KCNK3: variants seen among roughly 807,000 people sequenced by gnomAD.
KCNK3 encodes potassium channel subfamily K member 3.
Under a neutral mutation model 27.3 loss-of-function variants are expected in KCNK3, and 9 were observed. That is an observed-to-expected ratio of 0.33 (90% CI 0.20 to 0.57). KCNK3 has a LOEUF of 0.57. Ranked by LOEUF, KCNK3 falls within the 20% of genes least tolerant of loss-of-function variation. The pLI is 0.87. For missense variants in KCNK3, 391 were observed against 577.7 expected (o/e 0.68, Z 3.31); for synonymous variants, 278 against 273.8 (o/e 1.02, Z -0.15).
chr2:26,720,284 C>T (rs922566084), intron 1 of KCNK3, among the ~76,000 whole-genome samples: 13 of 152,256 alleles, frequency 8.5e-5, no homozygotes, highest in South Asian at 2.1e-4. Flanking sequence ...AAACAAAAAA[C>T]GAGTGGGTTG....
intron 1 of KCNK3, among the ~76,000 whole-genome samples, chr2:26,696,887 T>G (rs529933646): frequency 6.6e-6 from 1 of 152,272 alleles, no homozygotes; most frequent in East Asian, 1.9e-4. Context: ...CTCCTTCTAC[T>G]TGTTCAGGAT....
intron 1 of KCNK3, among the ~76,000 whole-genome samples, chr2:26,699,133 G>A (rs890124821): frequency 2.0e-5 from 3 of 148,800 alleles, no homozygotes; most frequent in Non-Finnish European, 3.0e-5. Flanking sequence ...AGCCAAGATC[G>A]CGCCACTGCA....
At chr2:26,711,961 G>T (rs1237967638) in intron 1 of KCNK3, among the ~76,000 whole-genome samples, 4 of 152,222 alleles carry the variant, frequency 2.6e-5, no homozygotes, top group African/African-American at 9.6e-5. Context: ...GCCCAGCTTG[G>T]AGCTCTTGGC....
chr2:26,728,532 C>T lies in KCNK3; in HGVS notation c.1149C>T (p.Thr383=), dbSNP rs1663475487. Reference sequence around the variant, plus strand: ...CCACGGGTCTGCACAGCCTGTCCACCTTCCGCGGCCTCATGAAGCGCAGGA... The same window carrying T: ...CCACGGGTCTGCACAGCCTGTCCACTTTCCGCGGCCTCATGAAGCGCAGGA... ...SVSTGLHSLS[T]FRGLMKRRSS... is the part of the protein sequence containing the mutation. The change falls in exon 2 of 2, where the codon ACC becomes ACT. Residue 383 remains threonine (T), a synonymous_variant. Transcript: ENST00000302909. The T allele has an allele frequency of 1.4e-6, 2 of 1,470,818 alleles. No homozygotes were observed. The highest frequency in any genetic ancestry group is 9.0e-7 in the Non-Finnish European group (1 of 1,110,192). 91.1% of individuals were successfully genotyped at this position (1,470,818 alleles called of 1,614,324 possible). A position where few individuals can be genotyped will look rare whatever the true frequency, so the allele number is the denominator to read the frequency against.
chr2:26,710,856 G>A (rs1334537955), intron 1 of KCNK3, among the ~76,000 whole-genome samples: 2 of 152,192 alleles, frequency 1.3e-5, no homozygotes, highest in Non-Finnish European at 1.5e-5. Context: ...AGCCTGACAG[G>A]GGGCTGCAGT....
In KCNK3 at chr2:26,692,971, G is replaced by T; in HGVS notation, c.96G>T (p.Glu32Asp). The change falls in exon 1 of 2, where the codon GAG (glutamate) becomes GAT (aspartate). Residue 32 changes from glutamate (E) to aspartate (D), a missense_variant. Transcript: ENST00000302909. The surrounding 1 kb of genome is among the most constrained non-coding windows in gnomAD (Gnocchi z 5.6). Reference protein sequence around the residue: ...GAAVFDALESEPELIERQRLE... With the variant: ...GAAVFDALESDPELIERQRLE... ...CGGTCTTCGACGCGCTGGAGTCGGA[G>T]CCCGAGCTGATCGAGCGGCAGCGGC... The T allele has an allele frequency of 6.4e-7, 1 of 1,569,344 alleles. No individual in the cohort carries two copies.
At chr2:26,708,994 T>C (rs1256447908) in intron 1 of KCNK3, among the ~76,000 whole-genome samples, 1 of 152,110 alleles carries the variant, frequency 6.6e-6, no homozygotes, top group Non-Finnish European at 1.5e-5. Context: ...CACTGGCTGA[T>C]GGGTACGATA....
At chr2:26,717,403 C>G (rs542467753) in intron 1 of KCNK3, among the ~76,000 whole-genome samples, 5 of 152,310 alleles carry the variant, frequency 3.3e-5, no homozygotes, top group Admixed American at 2.6e-4. Flanking sequence ...ACAGGAAAGG[C>G]CTGGGAGTGT....
Position 26,733,035 on chromosome 2 carries a change from T to C in KCNK3, c.*4467T>C, listed in dbSNP as rs1205947657. On this transcript the variant is annotated 3_prime_UTR_variant, in exon 2 of 2. Transcript: ENST00000302909. ...CTCAGAATTGCCTGAGGTTCTAGCG[T>C]GGGCTCCTTCTCTCCAGATGATGCC... 6.6e-6 allele frequency: 1 copy of C among 152,320 alleles called. No individual in the cohort carries two copies. The highest frequency in any genetic ancestry group is 1.5e-5 in the Non-Finnish European group (1 of 68,122). The allele number at this position is 152,320 out of a possible 1,614,324, so 9.4% of individuals were successfully genotyped here. A position where few individuals can be genotyped will look rare whatever the true frequency, so the allele number is the denominator to read the frequency against.
At chr2:26,704,857 G>GTCA (rs1465322630) in intron 1 of KCNK3, among the ~76,000 whole-genome samples, 1 of 152,278 alleles carries the variant, frequency 6.6e-6, no homozygotes, top group Non-Finnish European at 1.5e-5. Flanking sequence ...TGTTACCACA[G>GTCA]TCATGAACTA....
rs926083908 is a variant in KCNK3, at chr2:26,725,323, C to T, written c.284-2344C>T. On this transcript the variant is annotated intron_variant, in intron 1 of 1. Transcript: ENST00000302909. ...CCTGTGCTCCTGCAGAGGGCTCTGG[C>T]GGGCAGCGAGGGTGGGGGTTAATAG... 9.2e-5 allele frequency among the ~76,000 whole-genome samples: 14 copies of T among 152,242 alleles called. No homozygotes were observed. In the East Asian group the frequency reaches 1.4e-3, roughly 15 times the overall value.
chr2:26,710,016 T>C (rs1004244795), intron 1 of KCNK3, among the ~76,000 whole-genome samples: 3 of 152,198 alleles, frequency 2.0e-5, no homozygotes, highest in Non-Finnish European at 4.4e-5. Flanking sequence ...GCCTCCCTCC[T>C]CCAGGAAAGC....
At chr2:26,727,248 C>T (rs575262839) in intron 1 of KCNK3, among the ~76,000 whole-genome samples, 200 of 152,342 alleles carry the variant, frequency 1.3e-3, no homozygotes, top group South Asian at 0.01. Context: ...CAGCCCAGGA[C>T]ACTGAACTAG....
At position 26,730,964 on chromosome 2, in the gene KCNK3, CCTCA is replaced by C. The variant is rs1177775435; in HGVS notation, c.*2400_*2403del. On this transcript the variant is annotated 3_prime_UTR_variant, in exon 2 of 2. Coordinates refer to ENST00000302909, the MANE Select transcript of KCNK3 (RefSeq NM_002246.3). Reference sequence around the variant, plus strand: ...ACCTGGAAGGCCAGTGTTGCTTCCCCCTCACTCCCTTTCACTGCAGGCAGCCTCT... The same window carrying C: ...ACCTGGAAGGCCAGTGTTGCTTCCCCCTCCCTTTCACTGCAGGCAGCCTCT... 6.5e-6 allele frequency: 1 copy of C among 152,798 alleles called. No homozygotes were observed. The highest frequency in any genetic ancestry group is 1.5e-5 in the Non-Finnish European group (1 of 68,562). The allele number at this position is 152,798 out of a possible 1,614,324, so 9.5% of individuals were successfully genotyped here. A position where few individuals can be genotyped will look rare whatever the true frequency, so the allele number is the denominator to read the frequency against.
At chr2:26,720,570 G>A (rs963407950) in intron 1 of KCNK3, among the ~76,000 whole-genome samples, 2 of 152,186 alleles carry the variant, frequency 1.3e-5, no homozygotes, top group Non-Finnish European at 2.9e-5. Flanking sequence ...GGGGCTTTGG[G>A]GGTTTGTCCT....
intron 1 of KCNK3, among the ~76,000 whole-genome samples, chr2:26,696,669 C>T (rs1670239107): frequency 6.6e-6 from 1 of 152,182 alleles, no homozygotes; most frequent in African/African-American, 2.4e-5. Flanking sequence ...AAAGTCATTT[C>T]TTAGGAAGTC....
In KCNK3 at chr2:26,728,013, G is replaced by A. The variant is rs1382970948; in HGVS notation, c.630G>A (p.Lys210=). The change falls in exon 2 of 2, where the codon AAG becomes AAA. Residue 210 remains lysine, a synonymous_variant. Transcript: ENST00000302909. ...TCGGCGACTACGTGGCGCTGCAGAA[G>A]GACCAGGCCCTGCAGACGCAGCCGC... ...IGFGDYVALQ[K]DQALQTQPQY... The A allele has an allele frequency of 6.2e-7, 1 of 1,614,250 alleles. No homozygotes were observed.
intron 1 of KCNK3, among the ~76,000 whole-genome samples, chr2:26,713,660 T>C (rs111945253): frequency 3.4e-4 from 51 of 150,628 alleles, no homozygotes; most frequent in African/African-American, 1.1e-3. Flanking sequence ...CCCAACTACT[T>C]GGGAGGCTGA....
intron 1 of KCNK3, among the ~76,000 whole-genome samples, chr2:26,723,957 G>A (rs919005221): frequency 1.3e-5 from 2 of 152,198 alleles, no homozygotes; most frequent in South Asian, 4.1e-4. Flanking sequence ...CCAGAGACTC[G>A]AAGGCCTGGA....
Sources: gnomAD v4.1 joint callset for allele counts (sites outside exome capture counted in the v4.1 genomes callset) on GRCh38, gnomAD v4.1.1 for gene constraint, Gnocchi (gnomAD v3.1) non-coding constraint, MANE v1.5 for transcripts, NCBI Gene and HGNC (gene_info 2026-07-23, HGNC 2026-07-21) for gene names.